The following DEPDC5 variants were observed in gnomAD, a reference collection of about 807,000 sequenced individuals.
DEPDC5 encodes GATOR1 complex protein DEPDC5.
DEPDC5 carries 73 observed loss-of-function variants against 217.3 expected under a neutral mutation model. That is an observed-to-expected ratio of 0.34 (90% CI 0.28 to 0.41). The LOEUF (loss-of-function observed/expected upper bound fraction) is 0.41. DEPDC5 is among the 10% of genes least tolerant of loss of function. The probability of loss-of-function intolerance (pLI) is 1.00; values close to 1 mark genes in which losing one functional copy is unlikely to be tolerated. For missense variants in DEPDC5, 1,675 were observed against 2,070.1 expected, an observed-to-expected ratio of 0.81 and a Z score of 3.70; for synonymous variants, 733 against 756.7, an observed-to-expected ratio of 0.97 and a Z score of 0.51.
Position 31,819,077 on chromosome 22 carries a change from G to A in DEPDC5, c.1722G>A (p.Arg574=). The A allele has an allele frequency of 2.5e-6, 4 of 1,614,164 alleles. No individual in the cohort carries two copies. The highest frequency in any genetic ancestry group is 1.7e-5 in the Admixed American group (1 of 60,014). ...PPQRDSSAPG[R]FHVGSAESML... is the part of the protein sequence containing the mutation. The stretch of plus-strand genomic sequence containing the variant: ...AGCGAGACTCCAGTGCACCAGGGAG[G>A]TTTCACGTTGGCAGTGCAGAATCCA... Residue 574 remains arginine (R), a synonymous_variant, in exon 22 of 43, where the codon AGG becomes AGA. Transcript: ENST00000651528.
intron 38 of DEPDC5, among the ~76,000 whole-genome samples, chr22:31,882,743 C>CT (rs200341225): frequency 3.1e-3 from 464 of 151,502 alleles, no homozygotes; most frequent in Non-Finnish European, 4.9e-3. Context: ...CATTCTTTCT[C>CT]TTTTTTTTTA....
At chr22:31,832,485 CT>C (rs112632218) in intron 24 of DEPDC5, among the ~76,000 whole-genome samples, 23,832 of 144,830 alleles carry the variant, frequency 0.16, 2,019 homozygotes, top group South Asian at 0.26. Flanking sequence ...TCTTACTGCA[CT>C]TTTTTTTTTT....
intron 6 of DEPDC5, among the ~76,000 whole-genome samples, chr22:31,767,210 G>A (rs2082892823): frequency 2.6e-5 from 4 of 151,402 alleles, no homozygotes; most frequent in Non-Finnish European, 5.9e-5. Context: ...GTGGGATCTT[G>A]GCTTACTGTA....
chr22:31,877,746 T>A (rs2093042006), intron 37 of DEPDC5, among the ~76,000 whole-genome samples: 3 of 56,420 alleles, frequency 5.3e-5, no homozygotes, highest in African/African-American at 8.5e-5. Context: ...CGAGACTCCA[T>A]CTCAAAAAAA....
In DEPDC5 at chr22:31,766,574, A is replaced by G. The variant is rs1601648104; in HGVS notation, c.280-11A>G. Reference sequence around the variant, plus strand: ...GTAATGTCAGAGATATCATTTGATTATTCCTTTTAGGATGTGACCCTTGAC... The same window carrying G: ...GTAATGTCAGAGATATCATTTGATTGTTCCTTTTAGGATGTGACCCTTGAC... On this transcript the variant is annotated splice_polypyrimidine_tract_variant and intron_variant, in intron 5 of 42. Coordinates refer to ENST00000651528, the MANE Select transcript of DEPDC5 (RefSeq NM_001242896.3). The G allele has an allele frequency of 9.9e-6, 16 of 1,612,528 alleles. No homozygotes were observed. The highest frequency in any genetic ancestry group is 3.3e-4 in the Middle Eastern group (2 of 6,058).
intron 24 of DEPDC5, among the ~76,000 whole-genome samples, chr22:31,831,492 C>G (rs1409295848): frequency 6.6e-6 from 1 of 152,030 alleles, no homozygotes; most frequent in African/African-American, 2.4e-5. Flanking sequence ...GAGTCTTGCT[C>G]TGTGGCCCAG....
chr22:31,826,830 G>T (rs1346350426), intron 24 of DEPDC5, among the ~76,000 whole-genome samples: 3 of 151,710 alleles, frequency 2.0e-5, no homozygotes, highest in Non-Finnish European at 2.9e-5. Flanking sequence ...GTTGCCGTAT[G>T]TGAGAAGAAT....
At chr22:31,871,447 A>G (rs973082290) in intron 34 of DEPDC5, among the ~76,000 whole-genome samples, 2 of 152,158 alleles carry the variant, frequency 1.3e-5, no homozygotes, top group Non-Finnish European at 2.9e-5. Context: ...CCCTTATGTC[A>G]TAAATTCTGT....
chr22:31,884,624 C>T (rs5994444), intron 38 of DEPDC5, among the ~76,000 whole-genome samples: 24,876 of 152,120 alleles, frequency 0.16, 2,467 homozygotes, highest in African/African-American at 0.27. Flanking sequence ...ATTCGGGTCT[C>T]AGCCTGCCCT....
At chr22:31,849,485 A>C (rs1042916962) in intron 31 of DEPDC5, among the ~76,000 whole-genome samples, 3 of 152,068 alleles carry the variant, frequency 2.0e-5, no homozygotes, top group Non-Finnish European at 4.4e-5. Context: ...GCCCCTTGTA[A>C]AATCATCAGA....
intron 38 of DEPDC5, among the ~76,000 whole-genome samples, chr22:31,893,216 C>T (rs1355414819): frequency 6.6e-6 from 1 of 151,982 alleles, no homozygotes; most frequent in African/African-American, 2.4e-5. Context: ...TATAGTGACA[C>T]GTATCTAACA....
chr22:31,828,320 G>A (rs1021090308), intron 24 of DEPDC5, among the ~76,000 whole-genome samples: 1 of 151,998 alleles, frequency 6.6e-6, no homozygotes, highest in East Asian at 1.9e-4. Flanking sequence ...GCGTGGTGGC[G>A]CATGCCTGTA....
At chr22:31,765,852 G>A (rs1415943367) in intron 5 of DEPDC5, among the ~76,000 whole-genome samples, 1 of 152,052 alleles carries the variant, frequency 6.6e-6, no homozygotes, top group Non-Finnish European at 1.5e-5. Context: ...GTGAAACCCT[G>A]TCTCTACTAA....
intron 20 of DEPDC5, among the ~76,000 whole-genome samples, chr22:31,811,093 G>A (rs142636215): frequency 6.6e-6 from 1 of 151,382 alleles, no homozygotes; most frequent in East Asian, 2.0e-4. Context: ...TTTTTGAGAC[G>A]GAGTCTCACT....
intron 33 of DEPDC5, among the ~76,000 whole-genome samples, chr22:31,869,188 T>C (rs2092769140): frequency 6.7e-6 from 1 of 150,182 alleles, no homozygotes; most frequent in African/African-American, 2.5e-5. Context: ...CAGTGAGATG[T>C]GATGGCACCA....
rs1341691013 is a variant in DEPDC5, at chr22:31,768,847, G to C, written c.397G>C (p.Glu133Gln). Reference sequence around the variant, plus strand: ...ATGTGCCTATATCACCCAGAAGGTGGAGTTTGCTGGCATCAGGTAGATATT... The same window carrying C: ...ATGTGCCTATATCACCCAGAAGGTGCAGTTTGCTGGCATCAGGTAGATATT... ...STCAYITQKV[E>Q]FAGIRAQAGE... Residue 133 changes from glutamate to glutamine, a missense_variant, in exon 7 of 43, where the codon GAG (glutamate) becomes CAG (glutamine). Glu to Gln is a conservative substitution (Grantham distance 29). Transcript: ENST00000651528. 7.4e-6 allele frequency: 12 copies of C among 1,613,712 alleles called. No individual in the cohort carries two copies. Among genetic ancestry groups the C allele is most frequent in the Non-Finnish European group, 8.5e-6 (10 of 1,179,870 alleles).
intron 21 of DEPDC5, chr22:31,817,415 G>T: frequency 6.6e-6 from 3 of 454,358 alleles, no homozygotes; most frequent in South Asian, 3.3e-5. Context: ...TGGCCAAAGT[G>T]ACATCTTTCA....
At chr22:31,770,006 G>A (rs1347938859) in intron 7 of DEPDC5, among the ~76,000 whole-genome samples, 3 of 150,948 alleles carry the variant, frequency 2.0e-5, no homozygotes, top group Admixed American at 1.3e-4. Flanking sequence ...TGGGCTGAGT[G>A]TGCTTGAGCC....
chr22:31,861,885 A>G (rs996271759), intron 33 of DEPDC5, among the ~76,000 whole-genome samples: 1 of 152,232 alleles, frequency 6.6e-6, no homozygotes, highest in Non-Finnish European at 1.5e-5. Flanking sequence ...GTGCTAATGC[A>G]TAGGCCAAAG....
Sources: allele counts gnomAD v4.1 joint callset (sites outside exome capture counted in the v4.1 genomes callset), GRCh38; gene constraint gnomAD v4.1.1; transcripts MANE v1.5; gene names NCBI Gene and HGNC (gene_info 2026-07-23, HGNC 2026-07-21).